Variants in KREMEN1 observed in about 807,000 individuals in gnomAD.
The protein encoded by KREMEN1 is kringle containing transmembrane protein 1, also known as kremen protein 1.
KREMEN1 carries 30 observed loss-of-function variants against 46.5 expected under a neutral mutation model. The observed-to-expected ratio is 0.65, with a 90% CI of 0.48 to 0.88. KREMEN1 has a LOEUF of 0.88. Ranked by LOEUF, KREMEN1 falls within the 40% of genes least tolerant of loss-of-function variation. The pLI, the probability that KREMEN1 is intolerant of heterozygous loss-of-function variation, is 0.00. For synonymous variants in KREMEN1, 214 were observed against 230.6 expected (o/e 0.93, Z 0.65); for missense variants, 533 against 596.9 (o/e 0.89, Z 1.11).
At chr22:29,165,884 C>G (rs1237414869) in intron 9 of KREMEN1, among the ~76,000 whole-genome samples, 1 of 152,212 alleles carries the variant, frequency 6.6e-6, no homozygotes, top group Non-Finnish European at 1.5e-5. Flanking sequence ...AGCTTAGGCC[C>G]TGGGAGGGCG....
At chr22:29,134,897 C>A (rs1317917908) in intron 5 of KREMEN1, among the ~76,000 whole-genome samples, 4 of 152,198 alleles carry the variant, frequency 2.6e-5, no homozygotes, top group African/African-American at 9.7e-5. Flanking sequence ...TCCTTCTCCA[C>A]CCTCTTTCCC....
rs950919962 is a variant in KREMEN1, at chr22:29,143,994, T to TA, written c.*1884dup. On this transcript the variant is annotated 3_prime_UTR_variant, in exon 9 of 9. Coordinates refer to ENST00000400335, the MANE Select transcript of KREMEN1 (RefSeq NM_001039570.3). ...CTGTAGTGGCTGCTGGTTGGGAGAGTAAGTGCCATCACTAATTTAAAAGTC... is the reference window on the plus strand; with the variant it reads ...CTGTAGTGGCTGCTGGTTGGGAGAGTAAAGTGCCATCACTAATTTAAAAGTC... 2.3e-5 allele frequency: 23 copies of TA among 985,062 alleles called. No individual in the cohort carries two copies. Among genetic ancestry groups the TA allele is most frequent in the Admixed American group, 1.2e-4 (2 of 16,240 alleles). 61.0% of individuals were successfully genotyped at this position (985,062 alleles called of 1,614,324 possible).
intron 4 of KREMEN1, 101 bp from the exon 5 acceptor site, chr22:29,125,162 T>C (rs760208713): frequency 1.3e-5 from 18 of 1,368,510 alleles, no homozygotes; most frequent in Non-Finnish European, 1.8e-5. Context: ...CCCTGGGAAG[T>C]TGAGGCTGAT....
intron 9 of KREMEN1, among the ~76,000 whole-genome samples, chr22:29,152,267 A>G (rs1040147731): frequency 2.6e-5 from 4 of 152,036 alleles, no homozygotes; most frequent in Non-Finnish European, 5.9e-5. Context: ...CATCCCTCTA[A>G]CCCCCTACAA....
Position 29,144,491 on chromosome 22 carries a change from A to G in KREMEN1, c.*2379A>G. On this transcript the variant is annotated 3_prime_UTR_variant, in exon 9 of 9. Coordinates refer to ENST00000400335, the MANE Select transcript of KREMEN1 (RefSeq NM_001039570.3). ...AGCCTTCATGCTTTGATCTGGAAAG[A>G]GCAGCTGTCCGCAGGCCTCTGTCTC... The G allele has an allele frequency of 1.0e-6, 1 of 985,498 alleles. No homozygotes were observed. Among genetic ancestry groups the G allele is most frequent in the South Asian group, 4.7e-5 (1 of 21,290 alleles). The allele number at this position is 985,498 out of a possible 1,614,324, so 61.0% of individuals were successfully genotyped here.
chr22:29,105,007 G>A (rs748554370), intron 3 of KREMEN1, among the ~76,000 whole-genome samples: 9 of 152,182 alleles, frequency 5.9e-5, no homozygotes, highest in Non-Finnish European at 1.2e-4. Context: ...ACAAAACGGG[G>A]GACACAAGGA....
In KREMEN1 at chr22:29,144,961, A is replaced by G; in HGVS notation, c.*2849A>G. On this transcript the variant is annotated 3_prime_UTR_variant, in exon 9 of 9. Transcript: ENST00000400335. ...GCATGGCCCAGCGCCTCTAGGATCAACTTACGATCCGTGGAGCAGCCCCGG... is the reference window on the plus strand; with the variant it reads ...GCATGGCCCAGCGCCTCTAGGATCAGCTTACGATCCGTGGAGCAGCCCCGG... The G allele has an allele frequency of 1.0e-6, 1 of 985,496 alleles. No homozygotes were observed. The highest frequency in any genetic ancestry group is 1.2e-6 in the Non-Finnish European group (1 of 829,994). The allele number at this position is 985,496 out of a possible 1,614,324, so 61.0% of individuals were successfully genotyped here. A position where few individuals can be genotyped will look rare whatever the true frequency, so the allele number is the denominator to read the frequency against.
intron 5 of KREMEN1, among the ~76,000 whole-genome samples, chr22:29,129,871 C>T (rs1340436520): frequency 6.6e-6 from 1 of 152,170 alleles, no homozygotes; most frequent in Non-Finnish European, 1.5e-5. Context: ...TGGGCAAGCA[C>T]AACACTGACG....
chr22:29,137,798 C>T (rs1396550693), intron 6 of KREMEN1, 124 bp downstream of exon 6: 2 of 660,988 alleles, frequency 3.0e-6, no homozygotes, highest in Admixed American at 6.3e-5. Context: ...ACTGACTCAA[C>T]TTGCAGATCA....
At chr22:29,093,448 C>A (rs912604583) in intron 1 of KREMEN1, among the ~76,000 whole-genome samples, 30 of 152,284 alleles carry the variant, frequency 2.0e-4, no homozygotes, top group Admixed American at 1.6e-3. Context: ...TTAATGCATG[C>A]AATATGTGGG....
chr22:29,126,596 G>A (rs1158824693), intron 5 of KREMEN1, among the ~76,000 whole-genome samples: 2 of 152,056 alleles, frequency 1.3e-5, no homozygotes, highest in Non-Finnish European at 2.9e-5. Flanking sequence ...ATCTTAACTC[G>A]GTTACATAAC....
chr22:29,133,445 C>T (rs1429249671), intron 5 of KREMEN1, among the ~76,000 whole-genome samples: 1 of 151,898 alleles, frequency 6.6e-6, no homozygotes, highest in African/African-American at 2.4e-5. Flanking sequence ...GGATTATGGG[C>T]ATGTGCCACC....
Position 29,143,723 on chromosome 22 carries a change from C to CAG in KREMEN1, c.*1612_*1613dup, listed in dbSNP as rs2038807324. 3 of 969,686 alleles carry CAG rather than the reference C, an allele frequency of 3.1e-6. No homozygotes were observed. Among genetic ancestry groups the CAG allele is most frequent in the Non-Finnish European group, 3.7e-6 (3 of 817,526 alleles). The allele number at this position is 969,686 out of a possible 1,614,324, so 60.1% of individuals were successfully genotyped here. A position where few individuals can be genotyped will look rare whatever the true frequency, so the allele number is the denominator to read the frequency against. On this transcript the variant is annotated 3_prime_UTR_variant, in exon 9 of 9. Coordinates refer to ENST00000400335, the MANE Select transcript of KREMEN1 (RefSeq NM_001039570.3). Reference sequence around the variant, plus strand: ...CGCCACTGCACTCCAGCCTGGGTGACAGTGCAAGACTCTGTCTCAAAAAAA... The same window carrying CAG: ...CGCCACTGCACTCCAGCCTGGGTGACAGAGTGCAAGACTCTGTCTCAAAAAAA...
chr22:29,134,301 G>A (rs2038621620), intron 5 of KREMEN1, among the ~76,000 whole-genome samples: 1 of 152,054 alleles, frequency 6.6e-6, no homozygotes, highest in African/African-American at 2.4e-5. Context: ...GGGACTGCAG[G>A]CACACACCAC....
chr22:29,125,161 G>C, intron 4 of KREMEN1, 102 bp from the exon 5 acceptor site: 1 of 1,367,192 alleles, frequency 7.3e-7, no homozygotes, highest in East Asian at 2.3e-5. Context: ...ACCCTGGGAA[G>C]TTGAGGCTGA....
At position 29,166,493 on chromosome 22, in the gene KREMEN1, C is replaced by A. The variant is rs577924856; in HGVS notation, c.1417-551C>A. ...CTCGAGCCTAAGCCTCGAACTCTGG[C>A]CCACTTTACAAAAGCCCAAATTAAG... is the stretch of plus-strand genomic sequence containing the variant. On this transcript the variant is annotated intron_variant, in intron 9 of 9. Coordinates refer to the KREMEN1 transcript ENST00000327813. Among the ~76,000 whole-genome samples, 5 of 152,298 alleles carry A rather than the reference C, an allele frequency of 3.3e-5. No individual in the cohort carries two copies. In the East Asian group the frequency reaches 9.6e-4, roughly 29 times the overall value.
rs759044199 is a variant in KREMEN1, at chr22:29,137,492, T to G, written c.782T>G (p.Phe261Cys). ...ASHIHFSFPL[F>C]DIRDSADMVE... ...CACATCCACTTCAGCTTCCCCCTAT[T>G]TGACATCAGGGACTCGGCGGACATG... Residue 261 changes from phenylalanine (F) to cysteine (C), a missense_variant, in exon 6 of 9, where the codon TTT (phenylalanine) becomes TGT (cysteine). Physicochemically the swap from Phe to Cys is radical, Grantham distance 205. Coordinates refer to ENST00000400335, the MANE Select transcript of KREMEN1 (RefSeq NM_001039570.3). The G allele has an allele frequency of 1.9e-6, 3 of 1,609,928 alleles. No individual in the cohort carries two copies. Among genetic ancestry groups the G allele is most frequent in the Non-Finnish European group, 2.6e-6 (3 of 1,176,466 alleles).
intron 3 of KREMEN1, among the ~76,000 whole-genome samples, chr22:29,120,780 T>C (rs937595563): frequency 1.3e-5 from 2 of 152,154 alleles, no homozygotes; most frequent in African/African-American, 2.4e-5. Context: ...TTTAGACCCA[T>C]AAGCCCCACT....
rs369928103 is a variant in KREMEN1 at position 29,126,766 on chromosome 22, G to A, written c.631+1350G>A. Among the ~76,000 whole-genome samples, 15 of 152,266 alleles carry A rather than the reference G, an allele frequency of 9.9e-5. No individual in the cohort carries two copies. The East Asian group carries it at 1.9e-3, about 20-fold the overall frequency. On this transcript the variant is annotated intron_variant, in intron 5 of 8. Transcript: ENST00000400335. The stretch of plus-strand genomic sequence containing the variant: ...TCTAAAGTGTGTTTGTATTTGGGGT[G>A]GGAAGACAGGATTAGTGAACAGAAC...
Sources: allele counts gnomAD v4.1 joint callset (sites outside exome capture counted in the v4.1 genomes callset), GRCh38; gene constraint gnomAD v4.1.1; transcripts MANE v1.5; gene names NCBI Gene and HGNC (gene_info 2026-07-23, HGNC 2026-07-21).